PLCH1: variants seen among roughly 807,000 people sequenced by gnomAD.
The protein encoded by PLCH1 is phospholipase C eta 1.
A neutral mutation model predicts 126.7 loss-of-function variants in PLCH1; 60 were observed. The ratio of observed to expected loss-of-function variants is 0.47; its 90% CI spans 0.38 to 0.59. PLCH1 has a LOEUF of 0.59. Ranked by LOEUF, PLCH1 falls within the 20% of genes least tolerant of loss-of-function variation. The probability of loss-of-function intolerance (pLI) is 0.00; values close to 1 mark genes in which losing one functional copy is unlikely to be tolerated. For missense variants in PLCH1, 1,723 were observed against 2,040.0 expected (o/e 0.84, Z 2.99); for synonymous variants, 719 against 734.9 (o/e 0.98, Z 0.35).
intron 21 of PLCH1, among the ~76,000 whole-genome samples, chr3:155,472,830 CAT>C (rs1451601296): frequency 2.6e-5 from 4 of 151,420 alleles, no homozygotes; most frequent in Non-Finnish European, 5.9e-5. Context: ...ACAAAAACCA[CAT>C]GATTATCTCA....
Position 155,594,075 on chromosome 3 carries a change from G to A in PLCH1, c.336C>T (p.Gly112=), listed in dbSNP as rs758191335. The change falls in exon 4 of 23, where the codon GGC becomes GGT. Residue 112 remains glycine, a synonymous_variant. Coordinates refer to ENST00000460012, the MANE Select transcript of PLCH1 (RefSeq NM_014996.4). ...DPSCCFTIYH[G]NHMESLDLIT... ...TGAGGTCCAGGGACTCCATGTGGTT[G>A]CCATGGTAGATGGTGAAGCAGCAGC... 1 of 1,614,062 alleles carries A rather than the reference G, an allele frequency of 6.2e-7. No individual in the cohort carries two copies. The highest frequency in any genetic ancestry group is 1.1e-5 in the South Asian group (1 of 91,066).
intron 2 of PLCH1, among the ~76,000 whole-genome samples, chr3:155,650,097 C>T (rs959106814): frequency 6.6e-6 from 1 of 152,096 alleles, no homozygotes; most frequent in Non-Finnish European, 1.5e-5. Context: ...CAAACAGCCC[C>T]CCCAAACCCC....
intron 2 of PLCH1, among the ~76,000 whole-genome samples, chr3:155,679,436 T>TAG (rs2109010553): frequency 2.6e-5 from 4 of 152,328 alleles, no homozygotes; most frequent in African/African-American, 9.6e-5. Context: ...GCCAAGGGCC[T>TAG]AGCCCCAGTG....
intron 2 of PLCH1, among the ~76,000 whole-genome samples, chr3:155,613,729 G>A (rs1398847990): frequency 6.6e-6 from 1 of 152,110 alleles, no homozygotes; most frequent in Non-Finnish European, 1.5e-5. Context: ...CATTCTTCCT[G>A]AAAACTGGAA....
In PLCH1 at chr3:155,485,340, A is replaced by G. The variant is rs775528978; in HGVS notation, c.2974+16T>C. 5 of 1,544,902 alleles carry G rather than the reference A, an allele frequency of 3.2e-6. No individual in the cohort carries two copies. The highest frequency in any genetic ancestry group is 4.5e-6 in the Non-Finnish European group (5 of 1,123,198). ...CCTAGAAGGGTTTATTCTCAGAGAA[A>G]CTTAAAGCATCTTACCTAGAGAGTT... On this transcript the variant is annotated intron_variant, in intron 22 of 22. Coordinates refer to ENST00000460012, the MANE Select transcript of PLCH1 (RefSeq NM_014996.4).
intron 2 of PLCH1, among the ~76,000 whole-genome samples, chr3:155,648,149 A>C (rs1402100568): frequency 6.6e-6 from 1 of 152,228 alleles, no homozygotes. Context: ...CTCTAGGGGT[A>C]GCCAGACTAT....
At position 155,556,354 on chromosome 3, in the gene PLCH1, CAAAATA is replaced by C. The variant is rs143638847; in HGVS notation, c.1070-2164_1070-2159del. Among the ~76,000 whole-genome samples the C allele has an allele frequency of 4.5e-3, 680 of 152,230 alleles. 4 individuals are homozygous for C. Among genetic ancestry groups the C allele is most frequent in the African/African-American group, 0.016 (654 of 41,548 alleles). Reference sequence around the variant, plus strand: ...GGGCAACAAGAGTGAAACTCCGTCTCAAAATAAAAGAAACTCTGCCTTTAATTAGGA... The same window carrying C: ...GGGCAACAAGAGTGAAACTCCGTCTCAAAGAAACTCTGCCTTTAATTAGGA... On this transcript the variant is annotated intron_variant, in intron 8 of 22. Transcript: ENST00000460012.
chr3:155,660,120 C>A (rs1484337889), intron 2 of PLCH1, among the ~76,000 whole-genome samples: 2 of 152,182 alleles, frequency 1.3e-5, no homozygotes, highest in Non-Finnish European at 2.9e-5. Flanking sequence ...TGACAAGGCA[C>A]CCATACCTGA....
intron 5 of PLCH1, among the ~76,000 whole-genome samples, chr3:155,585,289 T>C (rs1184525560): frequency 6.6e-6 from 1 of 152,190 alleles, no homozygotes; most frequent in Non-Finnish European, 1.5e-5. Context: ...TTAAACATCA[T>C]ATTGCCCTCC....
chr3:155,545,804 T>C (rs1199486706), intron 10 of PLCH1, among the ~76,000 whole-genome samples: 4 of 152,082 alleles, frequency 2.6e-5, no homozygotes, highest in Middle Eastern at 3.4e-3. Flanking sequence ...ATTATCTCAA[T>C]AGATGCAGAA....
At chr3:155,491,619 T>C (rs946260963) in intron 18 of PLCH1, among the ~76,000 whole-genome samples, 7 of 152,320 alleles carry the variant, frequency 4.6e-5, no homozygotes, top group African/African-American at 1.7e-4. Context: ...AGTTCTCCTA[T>C]ATAACATAAC....
chr3:155,640,865 T>C (rs1739316421), intron 2 of PLCH1, among the ~76,000 whole-genome samples: 1 of 152,206 alleles, frequency 6.6e-6, no homozygotes, highest in Admixed American at 6.5e-5. Flanking sequence ...GCTAGCATGG[T>C]ATCCAACATT....
In PLCH1 at chr3:155,651,037, C is replaced by CA. The variant is rs534834731; in HGVS notation, c.79+53108dup. Among the ~76,000 whole-genome samples, 878 of 131,628 alleles carry CA rather than the reference C, an allele frequency of 6.7e-3. 8 individuals carry two copies. Among genetic ancestry groups the CA allele is most frequent in the African/African-American group, 0.016 (584 of 35,946 alleles). 86.4% of individuals were successfully genotyped at this position (131,628 alleles called of 152,430 possible). ...TGGGCAACAGAGCGAGACTCCGTCTCAAAAAAAAAAAAATGCAGATTTAAA... is the reference window on the plus strand; with the variant it reads ...TGGGCAACAGAGCGAGACTCCGTCTCAAAAAAAAAAAAAATGCAGATTTAAA... On this transcript the variant is annotated intron_variant, in intron 2 of 22. Transcript: ENST00000460012.
rs1715032762 is a variant in PLCH1 at position 155,486,088 on chromosome 3, C to T, written c.2620-378G>A. ...TGGAGTGATATGAAAAAGCATGCTGCCATAACCACTTAAAAAGAAATATGC... is the reference window on the plus strand; with the variant it reads ...TGGAGTGATATGAAAAAGCATGCTGTCATAACCACTTAAAAAGAAATATGC... On this transcript the variant is annotated intron_variant, in intron 21 of 22. Coordinates refer to ENST00000460012, the MANE Select transcript of PLCH1 (RefSeq NM_014996.4). The T allele has an allele frequency of 5.8e-6, 6 of 1,043,246 alleles. No homozygotes were observed. In the South Asian group the frequency reaches 8.8e-5, roughly 15 times the overall value. 64.6% of individuals were successfully genotyped at this position (1,043,246 alleles called of 1,614,324 possible).
At chr3:155,472,437 T>A (rs1045657979) in intron 21 of PLCH1, among the ~76,000 whole-genome samples, 1 of 152,068 alleles carries the variant, frequency 6.6e-6, no homozygotes, top group East Asian at 1.9e-4. Flanking sequence ...CAAAAATCAA[T>A]AGTTTACCAA....
chr3:155,580,745 AAAAATACGGCACGAT>A (rs1730558983), intron 6 of PLCH1, among the ~76,000 whole-genome samples: 2 of 152,166 alleles, frequency 1.3e-5, no homozygotes, highest in Admixed American at 1.3e-4. Flanking sequence ...TTTCCAGAAA[AAAAATACGGCACGAT>A]AATTGTAATA....
At chr3:155,469,235 G>A (rs527810219) in intron 21 of PLCH1, among the ~76,000 whole-genome samples, 147 of 152,280 alleles carry the variant, frequency 9.7e-4, no homozygotes, top group Non-Finnish European at 1.5e-3. Context: ...TGTGCGAGCC[G>A]AAGCAGGGCG....
intron 2 of PLCH1, among the ~76,000 whole-genome samples, chr3:155,665,564 G>A (rs1742630531): frequency 6.6e-6 from 1 of 152,194 alleles, no homozygotes; most frequent in Admixed American, 6.5e-5. Flanking sequence ...TGCGGTAAAA[G>A]GACTTGGAGA....
intron 1 of PLCH1, among the ~76,000 whole-genome samples, chr3:155,710,039 G>A (rs1447731085): frequency 1.3e-5 from 2 of 152,192 alleles, no homozygotes; most frequent in African/African-American, 4.8e-5. Context: ...CCAGGCTGGG[G>A]TGCACTAGTG....
Sources: gnomAD v4.1 joint callset for allele counts (sites outside exome capture counted in the v4.1 genomes callset) on GRCh38, gnomAD v4.1.1 for gene constraint, MANE v1.5 for transcripts, NCBI Gene and HGNC (gene_info 2026-07-23, HGNC 2026-07-21) for gene names.